Variants in DIAPH2 observed in about 807,000 individuals in gnomAD.
The protein encoded by DIAPH2 is diaphanous related formin 2.
DIAPH2 carries 35 observed loss-of-function variants against 92.7 expected under a neutral mutation model. The observed-to-expected ratio is 0.38, with a 90% CI of 0.29 to 0.50. The LOEUF (loss-of-function observed/expected upper bound fraction) is 0.50. DIAPH2 is among the 20% of genes least tolerant of loss of function. DIAPH2 has a pLI of 0.94. For missense variants in DIAPH2, 701 were observed against 819.5 expected, an observed-to-expected ratio of 0.86 and a Z score of 1.77; for synonymous variants, 301 against 280.4, an observed-to-expected ratio of 1.07 and a Z score of -0.73.
chrX:97,374,170 G>A (rs1378386308), intron 24 of DIAPH2, among the ~76,000 whole-genome samples: 2 of 111,310 alleles, frequency 1.8e-5, no homozygotes, highest in Admixed American at 1.9e-4. Context: ...GGTGGGACAG[G>A]GAAGTATAGT....
At chrX:96,757,328 C>G (rs1373898443) in intron 3 of DIAPH2, among the ~76,000 whole-genome samples, 1 of 111,739 alleles carries the variant, frequency 8.9e-6, no homozygotes, top group Admixed American at 9.5e-5. Flanking sequence ...GGGTACACAT[C>G]TATATCAGAC....
intron 20 of DIAPH2, among the ~76,000 whole-genome samples, chrX:97,114,355 A>G (rs773120623): frequency 4.4e-4 from 49 of 111,713 alleles, no homozygotes; most frequent in African/African-American, 1.5e-3. Flanking sequence ...CTGCGGCCCA[A>G]CTATTCACTC....
intron 22 of DIAPH2, among the ~76,000 whole-genome samples, chrX:97,241,727 A>G (rs2068095782): frequency 9.1e-6 from 1 of 109,353 alleles, no homozygotes; most frequent in South Asian, 3.9e-4. Context: ...CAGTGCTACT[A>G]TGAGGCAAAA....
At chrX:97,431,428 C>T (rs986948854) in intron 26 of DIAPH2, 3 of 112,421 alleles carry the variant, frequency 2.7e-5, no homozygotes, top group Non-Finnish European at 3.7e-5. Flanking sequence ...ATTAGTCTCA[C>T]ACCTCATACT....
At chrX:97,278,687 C>T (rs961068945) in intron 23 of DIAPH2, among the ~76,000 whole-genome samples, 1 of 112,262 alleles carries the variant, frequency 8.9e-6, no homozygotes, top group African/African-American at 3.2e-5. Context: ...ATTCCGTTAT[C>T]TGGATGCCTA....
At chrX:96,791,755 C>T (rs1042255133) in intron 4 of DIAPH2, among the ~76,000 whole-genome samples, 5 of 110,923 alleles carry the variant, frequency 4.5e-5, no homozygotes, top group African/African-American at 1.3e-4. Flanking sequence ...CCTCCAATAA[C>T]GTTTACTGAC....
At chrX:96,862,269 T>A (rs983776213) in intron 4 of DIAPH2, among the ~76,000 whole-genome samples, 1 of 111,894 alleles carries the variant, frequency 8.9e-6, no homozygotes, top group Non-Finnish European at 1.9e-5. Flanking sequence ...AAGATTTATA[T>A]TTTTAACTTC....
chrX:96,775,548 A>C (rs956095886), intron 4 of DIAPH2, among the ~76,000 whole-genome samples: 4 of 110,939 alleles, frequency 3.6e-5, no homozygotes, highest in African/African-American at 1.3e-4. Context: ...AACTAGAAAC[A>C]TCTTGAGTGT....
intron 17 of DIAPH2, among the ~76,000 whole-genome samples, chrX:96,984,963 C>A (rs985940880): frequency 1.8e-4 from 20 of 111,301 alleles, no homozygotes; most frequent in African/African-American, 6.5e-4. Context: ...GGGGAGATAA[C>A]TGGGTCATGG....
intron 1 of DIAPH2, among the ~76,000 whole-genome samples, chrX:96,696,655 T>TG (rs1278197544): frequency 3.6e-5 from 4 of 112,134 alleles, no homozygotes; most frequent in Non-Finnish European, 7.5e-5. Context: ...CCCTAGGGAA[T>TG]GCTGGCTTCC....
chrX:96,707,954 A>T (rs1199254668), intron 1 of DIAPH2, among the ~76,000 whole-genome samples: 2 of 111,384 alleles, frequency 1.8e-5, no homozygotes, highest in African/African-American at 6.5e-5. Context: ...AATGGAGGTT[A>T]GGTTCCCAGG....
intron 19 of DIAPH2, among the ~76,000 whole-genome samples, chrX:97,094,842 A>G (rs2066853467): frequency 9.0e-6 from 1 of 111,656 alleles, no homozygotes; most frequent in African/African-American, 3.3e-5. Context: ...ATATATTGGC[A>G]GAATGGATGA....
intron 22 of DIAPH2, among the ~76,000 whole-genome samples, chrX:97,247,084 A>G (rs1017214284): frequency 4.5e-5 from 5 of 111,995 alleles, no homozygotes; most frequent in African/African-American, 1.6e-4. Flanking sequence ...GGTGCAGAGA[A>G]TGTTAGGGGT....
At position 96,870,437 on chromosome X, in the gene DIAPH2, A is replaced by AT. The variant is rs10600564; in HGVS notation, c.448-11123dup. Among the ~76,000 whole-genome samples, 241 of 79,675 alleles carry AT rather than the reference A, an allele frequency of 3.0e-3. 1 individual carries two copies. The highest frequency in any genetic ancestry group is 8.2e-3 in the East Asian group (21 of 2,576). The allele number at this position is 79,675 out of a possible 115,157, so 69.2% of individuals were successfully genotyped here. ...TCACCATGCCCAGCTAATTTTTTGTATTTTTTTTTTTTTTTTTTTAAGTAG... is the reference window on the plus strand; with the variant it reads ...TCACCATGCCCAGCTAATTTTTTGTATTTTTTTTTTTTTTTTTTTTAAGTAG... On this transcript the variant is annotated intron_variant, in intron 4 of 26. Transcript: ENST00000324765.
At chrX:96,917,692 A>G (rs968619187) in intron 8 of DIAPH2, among the ~76,000 whole-genome samples, 6 of 111,215 alleles carry the variant, frequency 5.4e-5, no homozygotes, top group Non-Finnish European at 7.6e-5. Flanking sequence ...GGAGATACCA[A>G]TATTTTTGGT....
chrX:96,766,128 G>A (rs1221459033), intron 4 of DIAPH2, among the ~76,000 whole-genome samples: 3 of 109,847 alleles, frequency 2.7e-5, no homozygotes, highest in Non-Finnish European at 5.7e-5. Flanking sequence ...TAGGTCTAAC[G>A]GGGAAGACAG....
chrX:97,576,074 A>G (rs767581328), intron 26 of DIAPH2, among the ~76,000 whole-genome samples: 1 of 111,268 alleles, frequency 9.0e-6, no homozygotes, highest in Non-Finnish European at 1.9e-5. Flanking sequence ...AGAGATTTTG[A>G]GGCTGGGATC....
At chrX:96,881,277 A>G (rs1368585816) in intron 4 of DIAPH2, among the ~76,000 whole-genome samples, 3 of 111,522 alleles carry the variant, frequency 2.7e-5, no homozygotes, top group African/African-American at 9.8e-5. Flanking sequence ...ACTAGCTAAT[A>G]TTAATTCTAA....
chrX:97,224,796 A>G (rs1413698544), intron 22 of DIAPH2, among the ~76,000 whole-genome samples: 1 of 111,615 alleles, frequency 9.0e-6, no homozygotes, highest in Admixed American at 9.6e-5. Flanking sequence ...CATAAGGGAT[A>G]TATCTCTTAT....
Sources: gnomAD v4.1 joint callset for allele counts (sites outside exome capture counted in the v4.1 genomes callset) on GRCh38, gnomAD v4.1.1 for gene constraint, MANE v1.5 for transcripts, NCBI Gene and HGNC (gene_info 2026-07-23, HGNC 2026-07-21) for gene names.